The following SVIL variants were observed in gnomAD, a reference collection of about 807,000 sequenced individuals.
SVIL encodes supervillin.
A neutral mutation model predicts 240.4 loss-of-function variants in SVIL; 101 were observed. The ratio of observed to expected loss-of-function variants is 0.42; its 90% CI spans 0.36 to 0.50. The LOEUF is 0.50. Among genes scored for constraint, SVIL ranks in the 20% least tolerant of loss-of-function variants. The pLI is 0.01. For missense variants in SVIL, 2,512 were observed against 2,818.7 expected, an observed-to-expected ratio of 0.89 and a Z score of 2.46; for synonymous variants, 999 against 1,100.0, an observed-to-expected ratio of 0.91 and a Z score of 1.82.
intron 1 of SVIL, among the ~76,000 whole-genome samples, chr10:29,583,684 G>A (rs952439630): frequency 6.6e-6 from 1 of 152,208 alleles, no homozygotes; most frequent in South Asian, 2.1e-4. Flanking sequence ...TGCGGGGTAG[G>A]GGAGGGCGTG....
At chr10:29,717,452 T>G (rs1025017626) in intron 1 of SVIL, among the ~76,000 whole-genome samples, 1 of 152,096 alleles carries the variant, frequency 6.6e-6, no homozygotes, top group African/African-American at 2.4e-5. Context: ...TTTTGTAACT[T>G]GAATCAATAT....
intron 32 of SVIL, among the ~76,000 whole-genome samples, chr10:29,469,692 T>G (rs1945333108): frequency 6.6e-6 from 1 of 152,190 alleles, no homozygotes; most frequent in African/African-American, 2.4e-5. Flanking sequence ...TATCTCACAG[T>G]GTGCTGAGTC....
At chr10:29,505,464 A>T (rs969973912) in intron 17 of SVIL, among the ~76,000 whole-genome samples, 1 of 152,204 alleles carries the variant, frequency 6.6e-6, no homozygotes, top group African/African-American at 2.4e-5. Context: ...ATTCAATGAC[A>T]TTCTGGAAAA....
chr10:29,631,955 G>A (rs1056193832), intron 1 of SVIL, among the ~76,000 whole-genome samples: 1 of 152,128 alleles, frequency 6.6e-6, no homozygotes, highest in African/African-American at 2.4e-5. Context: ...TCACAGCAAG[G>A]CACCCTGAGA....
intron 3 of SVIL, 122 bp downstream of exon 3, chr10:29,563,079 G>C (rs1954661770): frequency 5.8e-6 from 1 of 173,226 alleles, no homozygotes; most frequent in African/African-American, 2.4e-5. Context: ...TCTGGGAGGA[G>C]GCAGGAAGGG....
At chr10:29,617,828 A>T (rs1175284991) in intron 1 of SVIL, among the ~76,000 whole-genome samples, 1 of 152,234 alleles carries the variant, frequency 6.6e-6, no homozygotes, top group African/African-American at 2.4e-5. Flanking sequence ...GAACAATAGA[A>T]ATAATAAAGC....
chr10:29,721,362 T>G (rs1195109569), intron 1 of SVIL, among the ~76,000 whole-genome samples: 2 of 152,112 alleles, frequency 1.3e-5, no homozygotes, highest in Non-Finnish European at 2.9e-5. Context: ...GATTTAAAAT[T>G]ACTATATTGA....
intron 16 of SVIL, among the ~76,000 whole-genome samples, chr10:29,518,723 G>A (rs1416946463): frequency 6.6e-6 from 1 of 152,140 alleles, no homozygotes; most frequent in East Asian, 1.9e-4. Context: ...GGTTATGGTG[G>A]TGGGCTCCTG....
chr10:29,530,243 G>T (rs1564583327), intron 11 of SVIL, among the ~76,000 whole-genome samples: 1 of 152,068 alleles, frequency 6.6e-6, no homozygotes, highest in Non-Finnish European at 1.5e-5. Flanking sequence ...TCTTCACTTT[G>T]TTCTCCTACA....
chr10:29,525,367 T>C (rs1172399502), intron 13 of SVIL, among the ~76,000 whole-genome samples: 1 of 152,164 alleles, frequency 6.6e-6, no homozygotes, highest in African/African-American at 2.4e-5. Flanking sequence ...GTGGCTCATA[T>C]CTATGGAAGG....
chr10:29,696,664 A>G (rs1962045769), intron 1 of SVIL, among the ~76,000 whole-genome samples: 1 of 144,180 alleles, frequency 6.9e-6, no homozygotes, highest in Admixed American at 6.9e-5. Flanking sequence ...GGAGGTGAGG[A>G]GTGTCTCTGC....
chr10:29,567,733 G>A (rs566786733), intron 2 of SVIL, among the ~76,000 whole-genome samples: 14 of 152,028 alleles, frequency 9.2e-5, no homozygotes, highest in Non-Finnish European at 1.3e-4. Context: ...AGACCAAGCC[G>A]AGGCCAGGCG....
At chr10:29,524,902 G>C (rs1056499747) in intron 13 of SVIL, among the ~76,000 whole-genome samples, 187 bp from the exon 14 acceptor site, 1 of 151,900 alleles carries the variant, frequency 6.6e-6, no homozygotes, top group Admixed American at 6.6e-5. Context: ...AGGACACTTA[G>C]CATCATCACT....
chr10:29,598,474 G>C (rs1175994420), intron 1 of SVIL, among the ~76,000 whole-genome samples: 1 of 152,232 alleles, frequency 6.6e-6, no homozygotes, highest in Non-Finnish European at 1.5e-5. Context: ...TTCTGAACCT[G>C]TGGGTGTGGG....
Position 29,499,243 on chromosome 10 carries a change from C to T in SVIL, c.3537G>A (p.Glu1179=), listed in dbSNP as rs759565290. ...TCCTCTCCTCAATCGTCATTTGGCTCTCTCGACTTTCTGTGACCCGCTGTT... is the reference window on the plus strand; with the variant it reads ...TCCTCTCCTCAATCGTCATTTGGCTTTCTCGACTTTCTGTGACCCGCTGTT... The part of the protein sequence containing the change: ...LIKKRVTESR[E]SQMTIEERKQ... The change falls in exon 18 of 38, where the codon GAG becomes GAA. Residue 1179 remains glutamate, a synonymous_variant. Coordinates refer to ENST00000355867, the MANE Select transcript of SVIL (RefSeq NM_021738.3). The T allele has an allele frequency of 4.3e-6, 7 of 1,614,242 alleles. No homozygotes were observed. Among genetic ancestry groups the T allele is most frequent in the Non-Finnish European group, 5.1e-6 (6 of 1,180,052 alleles).
intron 1 of SVIL, among the ~76,000 whole-genome samples, chr10:29,719,606 A>G (rs547587892): frequency 1.3e-5 from 2 of 152,352 alleles, no homozygotes; most frequent in Non-Finnish European, 2.9e-5. Flanking sequence ...AATATTCAAG[A>G]TTTTAGGCAG....
chr10:29,619,549 C>G (rs1476632183), intron 1 of SVIL, among the ~76,000 whole-genome samples: 1 of 152,118 alleles, frequency 6.6e-6, no homozygotes, highest in Non-Finnish European at 1.5e-5. Context: ...AACTCACAGC[C>G]CTGCTTTCCA....
chr10:29,554,755 A>G, intron 5 of SVIL, 28 bp downstream of exon 5: 1 of 1,510,604 alleles, frequency 6.6e-7, no homozygotes, highest in African/African-American at 1.4e-5. Context: ...AGCCTGCTGG[A>G]AAATGGGCCA....
chr10:29,503,965 C>T (rs991139843), intron 17 of SVIL, among the ~76,000 whole-genome samples: 9 of 152,254 alleles, frequency 5.9e-5, no homozygotes, highest in African/African-American at 1.2e-4. Context: ...AAAGCCTCGG[C>T]AATCAAGATT....
Sources: gnomAD v4.1 joint callset for allele counts (sites outside exome capture counted in the v4.1 genomes callset) on GRCh38, gnomAD v4.1.1 for gene constraint, MANE v1.5 for transcripts, NCBI Gene and HGNC (gene_info 2026-07-23, HGNC 2026-07-21) for gene names.